ABCB1: variants seen among roughly 807,000 people sequenced by gnomAD.
ABCB1 encodes ATP-dependent translocase ABCB1.
A neutral mutation model predicts 142.0 loss-of-function variants in ABCB1; 69 were observed. The observed-to-expected ratio is 0.49, with a 90% CI of 0.40 to 0.59. The LOEUF is 0.59. Ranked by LOEUF, ABCB1 falls within the 20% of genes least tolerant of loss-of-function variation. The pLI is 0.00. For missense variants in ABCB1, 1,326 were observed against 1,554.7 expected, an observed-to-expected ratio of 0.85 and a Z score of 2.47; for synonymous variants, 532 against 539.2, an observed-to-expected ratio of 0.99 and a Z score of 0.18.
chr7:87,548,358 G>GGGAA (rs928793342), intron 14 of ABCB1, among the ~76,000 whole-genome samples: 5 of 150,500 alleles, frequency 3.3e-5, no homozygotes, highest in Admixed American at 6.6e-5. Context: ...GAGGGAGGGA[G>GGGAA]GGAAGGAAGG....
At position 87,553,668 on chromosome 7, in the gene ABCB1, G is replaced by C. The variant is rs1371309562; in HGVS notation, c.999+93C>G. The C allele has an allele frequency of 2.9e-6, 4 of 1,379,646 alleles. No homozygotes were observed. The African/African-American group carries it at 4.3e-5, about 15-fold the overall frequency. The allele number at this position is 1,379,646 out of a possible 1,614,324, so 85.5% of individuals were successfully genotyped here. ...CATATGTCTGTAGTATTCAACAGTT[G>C]TTCAAAATATATTCTTCTAAAGTCA... is the stretch of plus-strand genomic sequence containing the variant. On this transcript the variant is annotated intron_variant, in intron 9 of 27. Transcript: ENST00000622132.
chr7:87,615,666 A>C lies in ABCB1; in HGVS notation c.-330-14588T>G, dbSNP rs568647918. Among the ~76,000 whole-genome samples, 7 of 152,362 alleles carry C rather than the reference A, an allele frequency of 4.6e-5. No homozygotes were observed. The South Asian group carries it at 1.4e-3, about 32-fold the overall frequency. On this transcript the variant is annotated intron_variant, in intron 1 of 28. Coordinates refer to the ABCB1 transcript ENST00000265724. ...ACTCTGGATATATTTTGAGGGTAGC[A>C]CCAACAAGATTGCAAAAGGCCTTAC... is the stretch of plus-strand genomic sequence containing the variant.
chr7:87,627,792 A>G (rs1051417226), intron 1 of ABCB1: 1 of 152,214 alleles, frequency 6.6e-6, no homozygotes, highest in Non-Finnish European at 1.5e-5. Context: ...AAGACTCTAC[A>G]CTGGCACCAC....
chr7:87,538,246 G>T (rs1816381076), intron 19 of ABCB1, among the ~76,000 whole-genome samples: 1 of 152,238 alleles, frequency 6.6e-6, no homozygotes, highest in South Asian at 2.1e-4. Flanking sequence ...AGCAAGGTCA[G>T]TGTAGACCTA....
chr7:87,664,259 A>C (rs1371382226), intron 1 of ABCB1, among the ~76,000 whole-genome samples: 1 of 152,112 alleles, frequency 6.6e-6, no homozygotes, highest in East Asian at 1.9e-4. Flanking sequence ...CCAGGAGTTC[A>C]AGGCTGTAGT....
At chr7:87,561,488 G>T in intron 7 of ABCB1, 101 bp from the exon 8 acceptor site, 1 of 1,206,210 alleles carries the variant, frequency 8.3e-7, no homozygotes, top group Non-Finnish European at 1.2e-6. Flanking sequence ...ATACATTAAT[G>T]CATGTGTAGA....
chr7:87,621,244 G>A (rs1467838948), intron 1 of ABCB1, among the ~76,000 whole-genome samples: 3 of 151,976 alleles, frequency 2.0e-5, no homozygotes, highest in African/African-American at 7.2e-5. Flanking sequence ...CTAACCTTAC[G>A]AGATGTTAAA....
upstream of ABCB1, among the ~76,000 whole-genome samples, chr7:87,604,798 G>A (rs575834240): frequency 7.2e-5 from 11 of 152,178 alleles, no homozygotes; most frequent in Non-Finnish European, 1.3e-4. Context: ...GTGATAAGTC[G>A]ATGGCAAATG....
chr7:87,533,326 T>A (rs1233049905), intron 20 of ABCB1, among the ~76,000 whole-genome samples: 1 of 152,114 alleles, frequency 6.6e-6, no homozygotes, highest in Admixed American at 6.6e-5. Flanking sequence ...TCTTAGAATA[T>A]CACCTAGAAT....
chr7:87,543,528 G>T (rs556286240), intron 17 of ABCB1, among the ~76,000 whole-genome samples: 9 of 152,056 alleles, frequency 5.9e-5, no homozygotes, highest in Non-Finnish European at 2.9e-5. Context: ...TCAGCTTGAT[G>T]TTTGGACATA....
chr7:87,602,176 G>A (rs1024442861), upstream of ABCB1, among the ~76,000 whole-genome samples: 2 of 151,724 alleles, frequency 1.3e-5, no homozygotes. Flanking sequence ...TGTATTTTTC[G>A]TAGAGACTGG....
chr7:87,622,586 A>T (rs1820263011), intron 1 of ABCB1, among the ~76,000 whole-genome samples: 2 of 152,222 alleles, frequency 1.3e-5, no homozygotes, highest in Non-Finnish European at 2.9e-5. Flanking sequence ...CTCCAGAATT[A>T]TCTAGAGACT....
chr7:87,544,318 T>C, intron 16 of ABCB1, 43 bp from the exon 17 acceptor site: 1 of 1,595,898 alleles, frequency 6.3e-7, no homozygotes. Context: ...TAAAAACTTT[T>C]ATATGTACAA....
At chr7:87,708,912 C>A (rs1207809722) in intron 1 of ABCB1, among the ~76,000 whole-genome samples, 4 of 152,124 alleles carry the variant, frequency 2.6e-5, no homozygotes, top group African/African-American at 9.7e-5. Flanking sequence ...ATTTTTAAAT[C>A]TTGATTACTT....
intron 21 of ABCB1, chr7:87,521,156 G>A (rs372288443): frequency 3.2e-4 from 138 of 426,708 alleles, no homozygotes; most frequent in South Asian, 5.2e-4. Context: ...ACGTGGCTTC[G>A]CAAAATTAAC....
intron 8 of ABCB1, among the ~76,000 whole-genome samples, chr7:87,554,140 G>A (rs1817213742): frequency 6.6e-6 from 1 of 152,140 alleles, no homozygotes; most frequent in African/African-American, 2.4e-5. Flanking sequence ...TAACTTATTT[G>A]TGGGGGAGTC....
chr7:87,552,607 C>T (rs1691780520), intron 9 of ABCB1, among the ~76,000 whole-genome samples: 1 of 150,080 alleles, frequency 6.7e-6, no homozygotes, highest in Non-Finnish European at 1.5e-5. Context: ...CAGAAAACAT[C>T]TGTTATGACA....
At chr7:87,656,923 TG>T (rs765658589) in intron 1 of ABCB1, among the ~76,000 whole-genome samples, 14 of 152,324 alleles carry the variant, frequency 9.2e-5, no homozygotes, top group East Asian at 5.8e-4. Flanking sequence ...CTAGCACTGT[TG>T]TAAGTGCTGG....
chr7:87,661,126 T>G (rs1159692733), intron 1 of ABCB1, among the ~76,000 whole-genome samples: 2 of 152,062 alleles, frequency 1.3e-5, no homozygotes. Context: ...TTAAAATTTT[T>G]AATTTTATGG....
Sources: allele counts gnomAD v4.1 joint callset (sites outside exome capture counted in the v4.1 genomes callset), GRCh38; gene constraint gnomAD v4.1.1; transcripts MANE v1.5; gene names NCBI Gene and HGNC (gene_info 2026-07-23, HGNC 2026-07-21).